Variants in IL17RD observed in about 807,000 individuals in gnomAD.
The protein encoded by IL17RD is interleukin-17 receptor D.
Under a neutral mutation model 80.5 loss-of-function variants are expected in IL17RD, and 52 were observed. That is an observed-to-expected ratio of 0.65 (90% confidence interval 0.52 to 0.81). The LOEUF (loss-of-function observed/expected upper bound fraction) is 0.81, where lower values mean the gene tolerates loss of function less well. Ranked by LOEUF, IL17RD falls within the 40% of genes least tolerant of loss-of-function variation. IL17RD has a pLI of 0.00. For synonymous variants in IL17RD, 416 were observed against 391.8 expected (o/e 1.06, Z -0.73); for missense variants, 1,024 against 955.1 (o/e 1.07, Z -0.95).
At chr3:57,139,484 T>C (rs1442897052) in intron 1 of IL17RD, among the ~76,000 whole-genome samples, 1 of 151,996 alleles carries the variant, frequency 6.6e-6, no homozygotes, top group Non-Finnish European at 1.5e-5. Context: ...TATGTGTATA[T>C]TATTTATGGG....
intron 1 of IL17RD, among the ~76,000 whole-genome samples, chr3:57,124,553 C>T (rs1579287299): frequency 6.6e-6 from 1 of 152,234 alleles, no homozygotes; most frequent in East Asian, 1.9e-4. Context: ...CCACAGAAAG[C>T]AGGCGGCCTC....
At chr3:57,122,876 A>C (rs1043459394) in intron 1 of IL17RD, among the ~76,000 whole-genome samples, 16 of 151,394 alleles carry the variant, frequency 1.1e-4, no homozygotes, top group Admixed American at 1.3e-4. Context: ...TATGCTCCCT[A>C]GTGCATAGGG....
chr3:57,134,587 A>T (rs773994529), intron 1 of IL17RD: 17 of 1,208,462 alleles, frequency 1.4e-5, no homozygotes, highest in Non-Finnish European at 2.1e-5. Context: ...GACAAGGCCC[A>T]CAAGAAGCTG....
chr3:57,163,582 T>G (rs1243457945), intron 1 of IL17RD, among the ~76,000 whole-genome samples: 1 of 152,036 alleles, frequency 6.6e-6, no homozygotes, highest in East Asian at 1.9e-4. Flanking sequence ...GATATTGTAG[T>G]CATTCAAAAG....
Position 57,110,318 on chromosome 3 carries a change from A to G in IL17RD, c.311-7T>C, listed in dbSNP as rs1688508108. On this transcript the variant is annotated splice_region_variant and splice_polypyrimidine_tract_variant and intron_variant, in intron 3 of 12. Coordinates refer to ENST00000296318, the MANE Select transcript of IL17RD (RefSeq NM_017563.5). ...CCTTTCAGGAATTCGATGCCTAAGCAAAGCAGAATGCTTTTATTAATAGTG... is the reference window on the plus strand; with the variant it reads ...CCTTTCAGGAATTCGATGCCTAAGCGAAGCAGAATGCTTTTATTAATAGTG... 3.2e-6 allele frequency: 5 copies of G among 1,582,982 alleles called. No individual in the cohort carries two copies. In the South Asian group the frequency reaches 5.8e-5, roughly 18 times the overall value.
intron 1 of IL17RD, among the ~76,000 whole-genome samples, chr3:57,135,336 C>A (rs1707703600): frequency 6.6e-6 from 1 of 152,218 alleles, no homozygotes; most frequent in Non-Finnish European, 1.5e-5. Flanking sequence ...GGATGTGCCA[C>A]TTCCTGCCTG....
intron 1 of IL17RD, among the ~76,000 whole-genome samples, chr3:57,149,111 AG>A (rs554042452): frequency 6.6e-6 from 1 of 152,176 alleles, no homozygotes; most frequent in Non-Finnish European, 1.5e-5. Flanking sequence ...CAGGAGTTCA[AG>A]ACCAGCCTGG....
At position 57,094,595 on chromosome 3, in the gene IL17RD, A is replaced by G. The variant is rs994043019; in HGVS notation, c.*1798T>C. 6.6e-6 allele frequency: 1 copy of G among 152,222 alleles called. No homozygotes were observed. Among genetic ancestry groups the G allele is most frequent in the Non-Finnish European group, 1.5e-5 (1 of 68,046 alleles). The allele number at this position is 152,222 out of a possible 1,614,324, so 9.4% of individuals were successfully genotyped here. A position where few individuals can be genotyped will look rare whatever the true frequency, so the allele number is the denominator to read the frequency against. On this transcript the variant is annotated 3_prime_UTR_variant, in exon 13 of 13. Coordinates refer to ENST00000296318, the MANE Select transcript of IL17RD (RefSeq NM_017563.5). ...CGACTCCTAATGGTTCCTCTGGGAC[A>G]GGAAACATCTCTTGGCCTCAATAAG...
At chr3:57,170,159 C>T (rs763831467), upstream of IL17RD, 1 of 152,460 alleles carries the variant, frequency 6.6e-6, no homozygotes, top group Non-Finnish European at 1.5e-5. Flanking sequence ...CAACAGAAAA[C>T]CTGGGGCGGC....
intron 1 of IL17RD, among the ~76,000 whole-genome samples, chr3:57,164,266 G>T (rs1475925345): frequency 6.6e-6 from 1 of 151,966 alleles, no homozygotes; most frequent in Non-Finnish European, 1.5e-5. Flanking sequence ...GAGACTCGGG[G>T]CAGACGGACA....
At chr3:57,103,851 C>T (rs1365534195) in intron 8 of IL17RD, among the ~76,000 whole-genome samples, 1 of 151,802 alleles carries the variant, frequency 6.6e-6, no homozygotes, top group Non-Finnish European at 1.5e-5. Context: ...ATTACAGGCG[C>T]CCACCACCAC....
intron 12 of IL17RD, among the ~76,000 whole-genome samples, chr3:57,096,733 G>C (rs1472499420): frequency 2.6e-5 from 4 of 152,172 alleles, no homozygotes; most frequent in Non-Finnish European, 4.4e-5. Context: ...GTTTAGGCCG[G>C]GCGCAGTGGC....
At chr3:57,114,899 C>T in intron 2 of IL17RD, 82 bp from the exon 3 acceptor site, 2 of 1,228,998 alleles carry the variant, frequency 1.6e-6, no homozygotes, top group Non-Finnish European at 1.1e-6. Context: ...ATAAACAGGG[C>T]ATGTCTGAAG....
At chr3:57,097,562 G>A in intron 12 of IL17RD, 34 bp downstream of exon 12, 4 of 1,490,898 alleles carry the variant, frequency 2.7e-6, no homozygotes, top group South Asian at 1.2e-5. Flanking sequence ...CAAAGGCTGC[G>A]GCCTGTTAGG....
intron 1 of IL17RD, among the ~76,000 whole-genome samples, chr3:57,152,870 T>C (rs953570727): frequency 5.3e-5 from 8 of 152,214 alleles, no homozygotes; most frequent in African/African-American, 1.9e-4. Context: ...TAAAGTTCAA[T>C]GTTTTCTTAG....
intron 1 of IL17RD, among the ~76,000 whole-genome samples, chr3:57,154,260 T>TATATATATATA (rs1312503756): frequency 7.8e-6 from 1 of 128,602 alleles, no homozygotes; most frequent in African/African-American, 3.1e-5. Context: ...AAAAAAAAAA[T>TATATATATATA]TATATATATA....
Position 57,138,511 on chromosome 3 carries a change from G to A in IL17RD, c.127-18198C>T, listed in dbSNP as rs577962444. Among the ~76,000 whole-genome samples, 13 of 152,296 alleles carry A rather than the reference G, an allele frequency of 8.5e-5. No homozygotes were observed. In the South Asian group the frequency reaches 2.7e-3, roughly 32 times the overall value. ...GATGAGGATCAAAGGACAGGTCTGA[G>A]AGGCATTTTTAAGGAAAAAATAGCA... On this transcript the variant is annotated intron_variant, in intron 1 of 12. Transcript: ENST00000296318.
At position 57,120,297 on chromosome 3, in the gene IL17RD, C is replaced by G. The variant is rs376232918; in HGVS notation, c.143G>C (p.Ser48Thr). The part of the protein sequence containing the change: ...TCGWRGVGPA[S>T]RNSGLYNITF... ...GATGTTGTACAGCCCACTGTTTCTG[C>G]TGGCTGGCCCCACTCCCTGTGGGAA... The change falls in exon 2 of 13, where the codon AGC becomes ACC. Residue 48 changes from serine to threonine, a missense_variant. By Grantham distance (58) the Ser-to-Thr change is moderately conservative. Coordinates refer to ENST00000296318, the MANE Select transcript of IL17RD (RefSeq NM_017563.5). The G allele has an allele frequency of 1.4e-5, 22 of 1,613,530 alleles. No homozygotes were observed. The African/African-American group carries it at 2.5e-4, about 19-fold the overall frequency.
intron 1 of IL17RD, among the ~76,000 whole-genome samples, chr3:57,149,735 G>A (rs76232764): frequency 0.025 from 3,869 of 152,220 alleles, 73 homozygotes; most frequent in Admixed American, 0.042. Context: ...AGTTCTGTTG[G>A]ATAGCACTGG....
Sources: gnomAD v4.1 joint callset for allele counts (sites outside exome capture counted in the v4.1 genomes callset) on GRCh38, gnomAD v4.1.1 for gene constraint, MANE v1.5 for transcripts, NCBI Gene and HGNC (gene_info 2026-07-23, HGNC 2026-07-21) for gene names.